The following DNAH17 variants were observed in gnomAD, a reference collection of about 807,000 sequenced individuals.
DNAH17 encodes the protein dynein axonemal heavy chain 17.
In DNAH17, 376 loss-of-function variants were observed where a neutral mutation model predicts 485.6. The observed-to-expected ratio is 0.77, with a 90% CI of 0.71 to 0.84. The LOEUF is 0.84. Ranked by LOEUF, DNAH17 falls within the 40% of genes least tolerant of loss-of-function variation. DNAH17 has a pLI of 0.00. For missense variants in DNAH17, 6,370 were observed against 5,839.3 expected (o/e 1.09, Z -2.96); for synonymous variants, 3,031 against 2,405.9 (o/e 1.26, Z -7.60).
chr17:78,470,912 G>A (rs1034779224), intron 54 of DNAH17, among the ~76,000 whole-genome samples: 1 of 152,142 alleles, frequency 6.6e-6, no homozygotes, highest in East Asian at 1.9e-4. Flanking sequence ...TAGGAATTTT[G>A]CAAGAATAAA....
chr17:78,483,230 C>G (rs1403596479), intron 48 of DNAH17, among the ~76,000 whole-genome samples: 2 of 152,222 alleles, frequency 1.3e-5, no homozygotes, highest in African/African-American at 4.8e-5. Flanking sequence ...CCTCCGTCCC[C>G]ACATCACAGC....
intron 19 of DNAH17, among the ~76,000 whole-genome samples, chr17:78,534,801 C>T (rs766480081): frequency 3.3e-5 from 5 of 152,174 alleles, no homozygotes; most frequent in Non-Finnish European, 7.4e-5. Flanking sequence ...CAGCTCAGCT[C>T]TCTAAATCCC....
chr17:78,571,330 T>C lies in DNAH17; in HGVS notation c.781A>G (p.Lys261Glu). 1 of 1,614,006 alleles carries C rather than the reference T, an allele frequency of 6.2e-7. No homozygotes were observed. Among genetic ancestry groups the C allele is most frequent in the Non-Finnish European group, 8.5e-7 (1 of 1,179,880 alleles). Residue 261 changes from lysine (K) to glutamate (E), a missense_variant, in exon 5 of 81, where the codon AAA becomes GAA. Lys to Glu is a moderately conservative substitution (Grantham distance 56). Coordinates refer to ENST00000389840, the MANE Select transcript of DNAH17 (RefSeq NM_173628.4). The stretch of plus-strand genomic sequence containing the variant: ...TGCAGGGCTGGCCAGTAGCAGCTTT[T>C]GGCTTTCTCTAGGATCTCAACAATC... ...NKIVEILEKA[K>E]SCYWPALQNV... is the part of the protein sequence containing the mutation.
rs60460125 is a variant in DNAH17 at position 78,538,138 on chromosome 17, C to CAA, written c.2677-659_2677-658dup. Among the ~76,000 whole-genome samples the CAA allele has an allele frequency of 7.7e-3, 821 of 106,146 alleles. 6 individuals carry two copies. Among genetic ancestry groups the CAA allele is most frequent in the South Asian group, 0.019 (57 of 3,028 alleles). 69.6% of individuals were successfully genotyped at this position (106,146 alleles called of 152,430 possible). The stretch of plus-strand genomic sequence containing the variant: ...CTGGGCAAGAGCAAAACTCTGTCTC[C>CAA]AAAAAAAAAAAAAAAAAAAAAAAAA... On this transcript the variant is annotated intron_variant, in intron 18 of 80. Transcript: ENST00000389840.
At chr17:78,523,157 C>T (rs570520227) in intron 25 of DNAH17, among the ~76,000 whole-genome samples, 10 of 151,816 alleles carry the variant, frequency 6.6e-5, no homozygotes. Flanking sequence ...CACCTAGCCT[C>T]CTTTTTCTAT....
At chr17:78,442,188 C>T (rs375304837) in intron 71 of DNAH17, among the ~76,000 whole-genome samples, 6 of 152,188 alleles carry the variant, frequency 3.9e-5, no homozygotes, top group African/African-American at 9.7e-5. Flanking sequence ...GGCAGGTGAA[C>T]GCCCGAGTGC....
chr17:78,546,792 G>T (rs1483163044), intron 16 of DNAH17, among the ~76,000 whole-genome samples: 1 of 152,132 alleles, frequency 6.6e-6, no homozygotes, highest in Non-Finnish European at 1.5e-5. Flanking sequence ...TGTAATCCCA[G>T]CTATTTGGGA....
At chr17:78,500,491 C>T (rs780053305) in intron 35 of DNAH17, 30 bp from the exon 36 acceptor site, 28 of 1,535,710 alleles carry the variant, frequency 1.8e-5, no homozygotes, top group Non-Finnish European at 2.4e-5. Context: ...AGCGTGTGTG[C>T]CAGCGACCCC....
chr17:78,571,869 A>C, intron 3 of DNAH17, 87 bp from the exon 4 acceptor site: 2 of 1,304,510 alleles, frequency 1.5e-6, no homozygotes, highest in South Asian at 2.9e-5. Flanking sequence ...TCTGCCCACC[A>C]ATCCCAAACC....
chr17:78,497,300 A>G (rs2090110483), intron 37 of DNAH17, among the ~76,000 whole-genome samples: 1 of 152,050 alleles, frequency 6.6e-6, no homozygotes, highest in Non-Finnish European at 1.5e-5. Flanking sequence ...ACTCGCGGTA[A>G]AGCTGCTCCC....
chr17:78,448,097 G>GGGAGGT (rs907784073), intron 69 of DNAH17, among the ~76,000 whole-genome samples: 24 of 151,978 alleles, frequency 1.6e-4, no homozygotes, highest in Admixed American at 1.4e-3. Context: ...GCTTGAACCC[G>GGGAGGT]GGAGGTGGAG....
chr17:78,554,367 G>A (rs1420888330), intron 14 of DNAH17, among the ~76,000 whole-genome samples: 1 of 133,414 alleles, frequency 7.5e-6, no homozygotes, highest in Non-Finnish European at 1.5e-5. Context: ...AACCCAGGAG[G>A]TGAAGGTTGC....
At position 78,425,327 on chromosome 17, in the gene DNAH17, A is replaced by C; in HGVS notation, c.13141+19T>G. 2 of 1,607,808 alleles carry C rather than the reference A, an allele frequency of 1.2e-6. No individual in the cohort carries two copies. Among genetic ancestry groups the C allele is most frequent in the Non-Finnish European group, 1.7e-6 (2 of 1,175,522 alleles). On this transcript the variant is annotated intron_variant, in intron 80 of 80. Coordinates refer to ENST00000389840, the MANE Select transcript of DNAH17 (RefSeq NM_173628.4). ...ACTGGCTCTGGAAGCTTCTGCAGAC[A>C]GACAAGAGCCCTCCTTACCTTCCAT...
chr17:78,461,023 AGAT>A (rs929103076), intron 58 of DNAH17, among the ~76,000 whole-genome samples: 3 of 152,014 alleles, frequency 2.0e-5, no homozygotes, highest in African/African-American at 4.8e-5. Flanking sequence ...CAGGCTCCAA[AGAT>A]GATGAAGACG....
At position 78,466,867 on chromosome 17, in the gene DNAH17, G is replaced by A. The variant is rs116615136; in HGVS notation, c.8779-51C>T. On this transcript the variant is annotated intron_variant, in intron 55 of 80. Transcript: ENST00000389840. ...TGCCTACTGGGACTGCAGTGCTGGG[G>A]CCTAATCCATCACTCTGCAGAAAGC... 6,588 of 1,469,278 alleles carry A rather than the reference G, an allele frequency of 4.5e-3. 259 individuals are homozygous for A. In the African/African-American group the frequency reaches 0.083, roughly 19 times the overall value. The allele number at this position is 1,469,278 out of a possible 1,614,324, so 91.0% of individuals were successfully genotyped here. A position where few individuals can be genotyped will look rare whatever the true frequency, so the allele number is the denominator to read the frequency against.
chr17:78,508,181 C>A (rs932703988), intron 27 of DNAH17, among the ~76,000 whole-genome samples: 1 of 152,160 alleles, frequency 6.6e-6, no homozygotes, highest in Non-Finnish European at 1.5e-5. Flanking sequence ...AATTTTGAGT[C>A]AGAGGCACTT....
At chr17:78,475,896 A>G in intron 52 of DNAH17, 63 bp from the exon 53 acceptor site, 1 of 1,565,102 alleles carries the variant, frequency 6.4e-7, no homozygotes, top group South Asian at 1.2e-5. Flanking sequence ...ACAGATAGTT[A>G]ACAGCAATTC....
intron 77 of DNAH17, among the ~76,000 whole-genome samples, chr17:78,427,352 C>T (rs903170568): frequency 5.3e-5 from 8 of 152,228 alleles, no homozygotes; most frequent in African/African-American, 1.2e-4. Flanking sequence ...CGGCCATGAG[C>T]GCATCAGGCC....
At chr17:78,431,448 A>ACC (rs537043508) in intron 75 of DNAH17, among the ~76,000 whole-genome samples, 2,395 of 136,534 alleles carry the variant, frequency 0.018, 69 homozygotes, top group Non-Finnish European at 0.025. Context: ...TGCTGAGGGA[A>ACC]CCCCCCACCC....
Sources: gnomAD v4.1 joint callset for allele counts (sites outside exome capture counted in the v4.1 genomes callset) on GRCh38, gnomAD v4.1.1 for gene constraint, MANE v1.5 for transcripts, NCBI Gene and HGNC (gene_info 2026-07-23, HGNC 2026-07-21) for gene names.